ACAP2: variants seen among roughly 807,000 people sequenced by gnomAD.
The protein encoded by ACAP2 is arf-GAP with coiled-coil, ANK repeat and PH domain-containing protein 2.
ACAP2 carries 39 observed loss-of-function variants against 115.8 expected under a neutral mutation model. The ratio of observed to expected loss-of-function variants is 0.34; its 90% CI spans 0.26 to 0.44. ACAP2 has a LOEUF of 0.44. ACAP2 is among the 20% of genes least tolerant of loss of function. The probability of loss-of-function intolerance (pLI) is 1.00; values close to 1 mark genes in which losing one functional copy is unlikely to be tolerated. For missense variants in ACAP2, 662 were observed against 927.6 expected, an observed-to-expected ratio of 0.71 and a Z score of 3.72; for synonymous variants, 289 against 315.8, an observed-to-expected ratio of 0.92 and a Z score of 0.90.
intron 4 of ACAP2, among the ~76,000 whole-genome samples, chr3:195,379,423 G>A (rs1057115281): frequency 6.6e-6 from 1 of 151,970 alleles, no homozygotes; most frequent in Non-Finnish European, 1.5e-5. Context: ...TACTGATAAG[G>A]GTTTAATATC....
At chr3:195,436,189 C>T (rs1009562720) in intron 1 of ACAP2, among the ~76,000 whole-genome samples, 2 of 150,782 alleles carry the variant, frequency 1.3e-5, no homozygotes, top group African/African-American at 2.4e-5. Context: ...TGCAGTGGCA[C>T]GATCTCAGCT....
chr3:195,358,594 C>T (rs1295484909), intron 4 of ACAP2, among the ~76,000 whole-genome samples: 1 of 151,894 alleles, frequency 6.6e-6, no homozygotes, highest in Non-Finnish European at 1.5e-5. Flanking sequence ...ATTTAAAGAA[C>T]GTATCAGAGT....
chr3:195,329,845 A>G (rs1041460140), intron 8 of ACAP2, among the ~76,000 whole-genome samples: 2 of 152,052 alleles, frequency 1.3e-5, no homozygotes, highest in Admixed American at 6.6e-5. Context: ...TTCCTCACTC[A>G]TCTATGTCCT....
At chr3:195,427,667 T>G (rs185754800) in intron 1 of ACAP2, among the ~76,000 whole-genome samples, 58 of 152,278 alleles carry the variant, frequency 3.8e-4, no homozygotes, top group African/African-American at 1.3e-3. Flanking sequence ...CCTAGCACTT[T>G]GAGAGGCTGA....
At chr3:195,316,206 T>G (rs555034519) in intron 10 of ACAP2, among the ~76,000 whole-genome samples, 101 of 151,792 alleles carry the variant, frequency 6.7e-4, no homozygotes, top group African/African-American at 2.1e-3. Context: ...TTTTTTTGTT[T>G]TTTTTTTTTT....
rs142396978 is a variant in ACAP2 at position 195,360,558 on chromosome 3, G to A, written c.286-15241C>T. 5.3e-5 allele frequency among the ~76,000 whole-genome samples: 8 copies of A among 152,316 alleles called. No homozygotes were observed. The East Asian group carries it at 1.3e-3, about 26-fold the overall frequency. On this transcript the variant is annotated intron_variant, in intron 4 of 22. Transcript: ENST00000326793. ...TGCCTGTAATCCCAGTACTTTGGGA[G>A]GCCAAGGCGGGCGATCACCTGAGGT... is the stretch of plus-strand genomic sequence containing the variant.
chr3:195,299,655 G>A (rs927824427), intron 15 of ACAP2, among the ~76,000 whole-genome samples: 5 of 152,084 alleles, frequency 3.3e-5, no homozygotes, highest in East Asian at 1.9e-4. Flanking sequence ...TGGCTAAGAC[G>A]GTGAAACTCC....
intron 8 of ACAP2, among the ~76,000 whole-genome samples, chr3:195,327,898 A>G (rs926440228): frequency 6.6e-6 from 1 of 152,068 alleles, no homozygotes; most frequent in Non-Finnish European, 1.5e-5. Flanking sequence ...ACCACTGCAC[A>G]TTAGCCAGGG....
At chr3:195,344,137 C>T (rs1731047030) in intron 5 of ACAP2, among the ~76,000 whole-genome samples, 1 of 152,176 alleles carries the variant, frequency 6.6e-6, no homozygotes, top group Non-Finnish European at 1.5e-5. Flanking sequence ...AGGATCACTT[C>T]AGCCCAGGAA....
At chr3:195,308,180 A>G (rs1047197316) in intron 11 of ACAP2, among the ~76,000 whole-genome samples, 2 of 152,124 alleles carry the variant, frequency 1.3e-5, no homozygotes, top group African/African-American at 4.8e-5. Flanking sequence ...TTCAGCTTAC[A>G]TTTTAATTAA....
At chr3:195,289,631 T>G (rs1374581660) in intron 20 of ACAP2, among the ~76,000 whole-genome samples, 4 of 150,030 alleles carry the variant, frequency 2.7e-5, no homozygotes, top group Non-Finnish European at 5.9e-5. Context: ...AAACCCCGTC[T>G]CTACTAAAAT....
Position 195,442,913 on chromosome 3 carries a change from C to A in ACAP2, c.-66G>T. On this transcript the variant is annotated 5_prime_UTR_variant, in exon 1 of 23. Transcript: ENST00000326793. Reference sequence around the variant, plus strand: ...GGCCGCGGGAGCGGCCGCGCTGGGACGCAGACGGCTACGGCGGGCGCACGG... The same window carrying A: ...GGCCGCGGGAGCGGCCGCGCTGGGAAGCAGACGGCTACGGCGGGCGCACGG... 1 of 1,418,420 alleles carries A rather than the reference C, an allele frequency of 7.1e-7. No homozygotes were observed. The highest frequency in any genetic ancestry group is 1.4e-5 in the South Asian group (1 of 73,666). The allele number at this position is 1,418,420 out of a possible 1,614,324, so 87.9% of individuals were successfully genotyped here.
intron 10 of ACAP2, among the ~76,000 whole-genome samples, chr3:195,310,090 T>C (rs1046003970): frequency 2.0e-5 from 3 of 150,898 alleles, no homozygotes; most frequent in Admixed American, 2.0e-4. Flanking sequence ...TACCTTTTCA[T>C]TGATACTAAT....
At chr3:195,389,953 T>C (rs1419465584) in intron 2 of ACAP2, among the ~76,000 whole-genome samples, 2 of 152,200 alleles carry the variant, frequency 1.3e-5, no homozygotes, top group East Asian at 3.9e-4. Context: ...CCCGGCACTT[T>C]GGGAGGCCGA....
chr3:195,363,051 G>A (rs552367447), intron 4 of ACAP2, among the ~76,000 whole-genome samples: 1 of 152,170 alleles, frequency 6.6e-6, no homozygotes, highest in East Asian at 1.9e-4. Context: ...CCTATATTTG[G>A]ACTAAAGACC....
At chr3:195,340,567 A>G (rs1730799946) in intron 6 of ACAP2, among the ~76,000 whole-genome samples, 1 of 152,230 alleles carries the variant, frequency 6.6e-6, no homozygotes, top group African/African-American at 2.4e-5. Flanking sequence ...GTGAAGCCCA[A>G]GACAGAAATG....
intron 4 of ACAP2, among the ~76,000 whole-genome samples, chr3:195,347,629 T>C (rs982783033): frequency 1.8e-4 from 27 of 152,220 alleles, no homozygotes; most frequent in African/African-American, 6.3e-4. Context: ...GGATTTGACT[T>C]ACATAAGTGG....
chr3:195,427,102 A>G (rs1714743355), intron 1 of ACAP2, among the ~76,000 whole-genome samples: 1 of 152,130 alleles, frequency 6.6e-6, no homozygotes, highest in Non-Finnish European at 1.5e-5. Context: ...GTAAAAGAGG[A>G]GGATAGAAGA....
intron 4 of ACAP2, among the ~76,000 whole-genome samples, chr3:195,351,129 T>TTTTTTTTGC (rs75945777): frequency 2.3e-5 from 3 of 131,832 alleles, no homozygotes; most frequent in Admixed American, 1.5e-4. Flanking sequence ...TTTTTTTTTT[T>TTTTTTTTGC]GGGCGGGGGA....
Sources: allele counts gnomAD v4.1 joint callset (sites outside exome capture counted in the v4.1 genomes callset), GRCh38; gene constraint gnomAD v4.1.1; transcripts MANE v1.5; gene names NCBI Gene and HGNC (gene_info 2026-07-23, HGNC 2026-07-21).